The following CNTN5 variants were observed in gnomAD, a reference collection of about 807,000 sequenced individuals.
CNTN5 encodes contactin 5.
CNTN5 carries 77 observed loss-of-function variants against 129.1 expected under a neutral mutation model. That is an observed-to-expected ratio of 0.60 (90% CI 0.50 to 0.72). The LOEUF (loss-of-function observed/expected upper bound fraction) is 0.72. CNTN5 is among the 30% of genes least tolerant of loss of function. The pLI, the probability that CNTN5 is intolerant of heterozygous loss-of-function variation, is 0.00. For missense variants in CNTN5, 1,478 were observed against 1,328.8 expected, an observed-to-expected ratio of 1.11 and a Z score of -1.75; for synonymous variants, 509 against 465.6, an observed-to-expected ratio of 1.09 and a Z score of -1.20.
intron 24 of CNTN5, among the ~76,000 whole-genome samples, chr11:100,355,655 G>A (rs535412679): frequency 6.6e-6 from 1 of 151,706 alleles, no homozygotes; most frequent in South Asian, 2.1e-4. Flanking sequence ...TAGGCAATAG[G>A]AATTTTTCAG....
At chr11:99,795,995 C>A (rs1464664129) in intron 3 of CNTN5, among the ~76,000 whole-genome samples, 1 of 152,172 alleles carries the variant, frequency 6.6e-6, no homozygotes, top group East Asian at 1.9e-4. Context: ...AGTGCATGTG[C>A]ATTAGCTGGG....
chr11:99,362,794 T>C (rs979078392), intron 2 of CNTN5, among the ~76,000 whole-genome samples: 22 of 152,214 alleles, frequency 1.4e-4, no homozygotes, highest in Non-Finnish European at 1.0e-4. Context: ...TTTCTCTGAA[T>C]GGTCTTGGCT....
At chr11:100,228,774 T>A (rs1334998617) in intron 16 of CNTN5, among the ~76,000 whole-genome samples, 1 of 152,164 alleles carries the variant, frequency 6.6e-6, no homozygotes. Context: ...AGTCCTCCAG[T>A]GTGAGATGCC....
At chr11:99,885,229 C>G (rs746501393) in intron 6 of CNTN5, among the ~76,000 whole-genome samples, 6 of 152,026 alleles carry the variant, frequency 3.9e-5, no homozygotes, top group Non-Finnish European at 8.8e-5. Context: ...TTCCAGCAAG[C>G]TGTGATCATG....
intron 1 of CNTN5, among the ~76,000 whole-genome samples, chr11:99,043,656 T>C (rs1864095491): frequency 1.3e-5 from 2 of 152,214 alleles, no homozygotes; most frequent in South Asian, 4.1e-4. Context: ...TTTATAGATA[T>C]TGAGTGAATC....
At chr11:99,999,811 G>A (rs1939738037) in intron 8 of CNTN5, among the ~76,000 whole-genome samples, 1 of 151,994 alleles carries the variant, frequency 6.6e-6, no homozygotes, top group Admixed American at 6.6e-5. Context: ...TATACACCAT[G>A]GAATACTACG....
At chr11:99,840,501 T>A (rs2135670531) in intron 4 of CNTN5, among the ~76,000 whole-genome samples, 1 of 152,062 alleles carries the variant, frequency 6.6e-6, no homozygotes, top group East Asian at 1.9e-4. Context: ...ATTTCCAAAT[T>A]GAAACAATTC....
chr11:99,838,386 A>AT (rs1273395720), intron 4 of CNTN5, among the ~76,000 whole-genome samples: 3 of 152,216 alleles, frequency 2.0e-5, no homozygotes, highest in African/African-American at 2.4e-5. Flanking sequence ...TCTATCTCTT[A>AT]TTTTTTGTTT....
chr11:100,242,018 C>G (rs1367901000), intron 16 of CNTN5, among the ~76,000 whole-genome samples: 1 of 152,122 alleles, frequency 6.6e-6, no homozygotes, highest in African/African-American at 2.4e-5. Context: ...TTTCTTTGGA[C>G]TTCTCTCATA....
At chr11:99,980,106 T>C (rs1272936336) in intron 8 of CNTN5, among the ~76,000 whole-genome samples, 1 of 151,896 alleles carries the variant, frequency 6.6e-6, no homozygotes, top group East Asian at 2.0e-4. Flanking sequence ...CCTCTAGCTG[T>C]CATTTTAGGT....
chr11:100,009,085 T>G (rs1940359482), intron 9 of CNTN5, among the ~76,000 whole-genome samples: 1 of 152,094 alleles, frequency 6.6e-6, no homozygotes. Flanking sequence ...TTTTACTATA[T>G]TTTGATATCA....
intron 2 of CNTN5, among the ~76,000 whole-genome samples, chr11:99,345,627 G>A (rs1937794954): frequency 6.6e-6 from 1 of 152,176 alleles, no homozygotes; most frequent in Non-Finnish European, 1.5e-5. Flanking sequence ...GATTTGATCC[G>A]ATGTCTAAAG....
intron 2 of CNTN5, among the ~76,000 whole-genome samples, chr11:99,406,504 A>G (rs1942073529): frequency 6.6e-6 from 1 of 151,950 alleles, no homozygotes; most frequent in Non-Finnish European, 1.5e-5. Context: ...TCAGATCTTA[A>G]GCCAGCACGG....
chr11:100,087,051 T>A (rs11607495), intron 13 of CNTN5, among the ~76,000 whole-genome samples: 1 of 151,406 alleles, frequency 6.6e-6, no homozygotes, highest in African/African-American at 2.4e-5. Flanking sequence ...TAAGCACAAT[T>A]AGAAGATTGG....
intron 13 of CNTN5, among the ~76,000 whole-genome samples, chr11:100,141,207 G>A (rs534944719): frequency 1.3e-5 from 2 of 152,112 alleles, no homozygotes; most frequent in African/African-American, 4.8e-5. Flanking sequence ...GCCATGTGGG[G>A]ATTAAAGTCT....
chr11:99,951,939 A>G (rs1276674211), intron 7 of CNTN5, among the ~76,000 whole-genome samples: 1 of 152,202 alleles, frequency 6.6e-6, no homozygotes, highest in Non-Finnish European at 1.5e-5. Flanking sequence ...TCAAATATGC[A>G]TTTATTCACC....
chr11:99,893,194 T>G (rs1442313711), intron 6 of CNTN5, among the ~76,000 whole-genome samples: 2 of 152,134 alleles, frequency 1.3e-5, no homozygotes, highest in Non-Finnish European at 2.9e-5. Flanking sequence ...ACTTTTAAAT[T>G]TTACAGTGGC....
intron 1 of CNTN5, among the ~76,000 whole-genome samples, chr11:99,046,687 T>G (rs1348903406): frequency 6.6e-6 from 1 of 152,098 alleles, no homozygotes; most frequent in East Asian, 1.9e-4. Flanking sequence ...TTCAAGAAAA[T>G]ATCTTACACA....
intron 16 of CNTN5, among the ~76,000 whole-genome samples, chr11:100,237,253 C>T (rs911188653): frequency 6.7e-6 from 1 of 150,342 alleles, no homozygotes; most frequent in African/African-American, 2.4e-5. Flanking sequence ...CTCTGAAAGG[C>T]AACCCACTGA....
Sources: gnomAD v4.1 joint callset for allele counts (sites outside exome capture counted in the v4.1 genomes callset) on GRCh38, gnomAD v4.1.1 for gene constraint, MANE v1.5 for transcripts, NCBI Gene and HGNC (gene_info 2026-07-23, HGNC 2026-07-21) for gene names.